PCCA: variants seen among roughly 807,000 people sequenced by gnomAD.
PCCA encodes propionyl-CoA carboxylase subunit alpha.
In PCCA, 74 loss-of-function variants were observed where a neutral mutation model predicts 101.3. The ratio of observed to expected loss-of-function variants is 0.73; its 90% CI spans 0.61 to 0.89. PCCA has a LOEUF of 0.89. Among genes scored for constraint, PCCA ranks in the 40% least tolerant of loss-of-function variants. The pLI is 0.00. For synonymous variants in PCCA, 294 were observed against 313.6 expected (o/e 0.94, Z 0.66); for missense variants, 891 against 907.0 (o/e 0.98, Z 0.23).
intron 1 of PCCA, among the ~76,000 whole-genome samples, chr13:100,093,482 A>G (rs1203728710): frequency 8.5e-5 from 13 of 152,222 alleles, no homozygotes; most frequent in Non-Finnish European, 1.5e-4. Context: ...TCATTTGTCT[A>G]GAGATCTAGC....
chr13:100,233,049 T>C (rs1251516275), intron 7 of PCCA, among the ~76,000 whole-genome samples: 1 of 152,226 alleles, frequency 6.6e-6, no homozygotes, highest in Non-Finnish European at 1.5e-5. Flanking sequence ...TTTTTTCTTA[T>C]TAAAACACCA....
At chr13:100,108,248 TG>T (rs1457399636) in intron 2 of PCCA, among the ~76,000 whole-genome samples, 2 of 152,200 alleles carry the variant, frequency 1.3e-5, no homozygotes, top group Non-Finnish European at 2.9e-5. Context: ...TTACTTCAGA[TG>T]ACATTATTAG....
chr13:100,458,294 T>TACACACACACACACACACAC (rs57961819), intron 21 of PCCA, among the ~76,000 whole-genome samples: 1 of 86,480 alleles, frequency 1.2e-5, no homozygotes, highest in Non-Finnish European at 2.1e-5. Flanking sequence ...ACCCCATCTC[T>TACACACACACACACACACAC]ACACACACAC....
intron 4 of PCCA, chr13:100,149,754 A>G (rs1300673541): frequency 2.6e-5 from 4 of 152,196 alleles, no homozygotes; most frequent in African/African-American, 4.8e-5. Context: ...ATAGGTTTCA[A>G]AATATCTCTA....
At chr13:100,377,605 C>T (rs764605814) in intron 19 of PCCA, among the ~76,000 whole-genome samples, 9 of 152,292 alleles carry the variant, frequency 5.9e-5, no homozygotes, top group Non-Finnish European at 8.8e-5. Context: ...CGCCATTCTC[C>T]TGCCTCAGCC....
chr13:100,119,538 A>T (rs146655208), intron 4 of PCCA, among the ~76,000 whole-genome samples: 1 of 152,302 alleles, frequency 6.6e-6, no homozygotes, highest in East Asian at 1.9e-4. Flanking sequence ...ACAAAATGAG[A>T]TTGCACACAC....
At position 100,168,185 on chromosome 13, in the gene PCCA, T is replaced by C. The variant is rs1221877504; in HGVS notation, c.468+10845T>C. Among the ~76,000 whole-genome samples the C allele has an allele frequency of 2.6e-5, 4 of 152,310 alleles. No individual in the cohort carries two copies. The East Asian group carries it at 7.7e-4, about 29-fold the overall frequency. Reference sequence around the variant, plus strand: ...CATAACCATCGTGAGTAAGAGAGGCTCATTCCCATAGAAGGATGAGGTTTA... The same window carrying C: ...CATAACCATCGTGAGTAAGAGAGGCCCATTCCCATAGAAGGATGAGGTTTA... On this transcript the variant is annotated intron_variant, in intron 6 of 23. Transcript: ENST00000376285.
At chr13:100,158,291 G>A (rs796757437) in intron 6 of PCCA, among the ~76,000 whole-genome samples, 11 of 152,290 alleles carry the variant, frequency 7.2e-5, no homozygotes, top group Admixed American at 2.0e-4. Flanking sequence ...ATTCTGTGGA[G>A]CATAACTGTA....
At chr13:100,172,071 T>G (rs933465549) in intron 6 of PCCA, among the ~76,000 whole-genome samples, 7 of 150,966 alleles carry the variant, frequency 4.6e-5, no homozygotes, top group Non-Finnish European at 8.8e-5. Flanking sequence ...TGTGTTGGCA[T>G]GCGCCTCTGG....
intron 19 of PCCA, among the ~76,000 whole-genome samples, chr13:100,398,723 A>G (rs2077176154): frequency 6.6e-6 from 1 of 152,166 alleles, no homozygotes; most frequent in Admixed American, 6.5e-5. Context: ...GACACTAGAT[A>G]GAATGTGCTA....
intron 4 of PCCA, among the ~76,000 whole-genome samples, chr13:100,139,668 A>G (rs1408250181): frequency 6.6e-6 from 1 of 152,150 alleles, no homozygotes; most frequent in Non-Finnish European, 1.5e-5. Flanking sequence ...GAAAACTTTA[A>G]TAATAACTTC....
chr13:100,489,744 C>A (rs574092855), intron 21 of PCCA, among the ~76,000 whole-genome samples: 2 of 150,540 alleles, frequency 1.3e-5, no homozygotes, highest in Non-Finnish European at 2.9e-5. Flanking sequence ...GTAGGGGTAA[C>A]GTTTATTAAT....
At chr13:100,177,365 C>T (rs144015109) in intron 6 of PCCA, among the ~76,000 whole-genome samples, 2,162 of 152,192 alleles carry the variant, frequency 0.014, 29 homozygotes, top group Non-Finnish European at 0.024. Context: ...ATTTTGTAGA[C>T]CTTTTTCAAT....
chr13:100,414,917 A>G (rs1447131555), intron 19 of PCCA, among the ~76,000 whole-genome samples: 2 of 152,198 alleles, frequency 1.3e-5, no homozygotes, highest in African/African-American at 2.4e-5. Flanking sequence ...TACAAGCACT[A>G]TATCTTCATA....
intron 7 of PCCA, among the ~76,000 whole-genome samples, chr13:100,215,741 G>A (rs2059471621): frequency 6.6e-6 from 1 of 152,072 alleles, no homozygotes; most frequent in Non-Finnish European, 1.5e-5. Context: ...CTGGGTTCAA[G>A]CAATTCTCCC....
chr13:100,286,353 G>C (rs751734224), intron 12 of PCCA, among the ~76,000 whole-genome samples: 15 of 152,176 alleles, frequency 9.9e-5, no homozygotes, highest in Non-Finnish European at 1.9e-4. Flanking sequence ...CTGCTGCTGT[G>C]TTGTTCCCCT....
At chr13:100,113,477 A>G (rs994605262) in intron 4 of PCCA, among the ~76,000 whole-genome samples, 1 of 152,196 alleles carries the variant, frequency 6.6e-6, no homozygotes, top group African/African-American at 2.4e-5. Context: ...CACGACATTT[A>G]TAGAAAAATA....
intron 8 of PCCA, among the ~76,000 whole-genome samples, chr13:100,250,347 T>A (rs930121223): frequency 1.3e-5 from 2 of 152,180 alleles, no homozygotes; most frequent in African/African-American, 4.8e-5. Context: ...CCTGTTAATG[T>A]GATGGATTAC....
chr13:100,397,785 G>A (rs1220018259), intron 19 of PCCA, among the ~76,000 whole-genome samples: 1 of 152,106 alleles, frequency 6.6e-6, no homozygotes, highest in Non-Finnish European at 1.5e-5. Flanking sequence ...AATAAAAACT[G>A]TGTTTGGCTG....
Sources: gnomAD v4.1 joint callset for allele counts (sites outside exome capture counted in the v4.1 genomes callset) on GRCh38, gnomAD v4.1.1 for gene constraint, MANE v1.5 for transcripts, NCBI Gene and HGNC (gene_info 2026-07-23, HGNC 2026-07-21) for gene names.